Variants in GRIK3 observed in about 807,000 individuals in gnomAD.
GRIK3 encodes glutamate ionotropic receptor kainate type subunit 3, also known as glutamate receptor ionotropic, kainate 3.
A neutral mutation model predicts 102.5 loss-of-function variants in GRIK3; 29 were observed. The observed-to-expected ratio is 0.28, with a 90% CI of 0.21 to 0.39. GRIK3 has a LOEUF of 0.39. Ranked by LOEUF, GRIK3 falls within the 10% of genes least tolerant of loss-of-function variation. The probability of loss-of-function intolerance (pLI) is 1.00; values close to 1 mark genes in which losing one functional copy is unlikely to be tolerated. For missense variants in GRIK3, 908 were observed against 1,252.4 expected (o/e 0.73, Z 4.15); for synonymous variants, 511 against 504.9 (o/e 1.01, Z -0.16).
At chr1:36,938,629 C>T (rs1202284373) in intron 1 of GRIK3, among the ~76,000 whole-genome samples, 2 of 152,060 alleles carry the variant, frequency 1.3e-5, no homozygotes, top group Non-Finnish European at 2.9e-5. Context: ...CAAACCATCC[C>T]CCAGCAGCAG....
At chr1:37,022,618 C>A (rs1327270420) in intron 1 of GRIK3, among the ~76,000 whole-genome samples, 1 of 152,190 alleles carries the variant, frequency 6.6e-6, no homozygotes, top group Non-Finnish European at 1.5e-5. Flanking sequence ...AGAAGACCAC[C>A]ATAGACAGCA....
intron 1 of GRIK3, among the ~76,000 whole-genome samples, chr1:37,024,716 C>A (rs2124082830): frequency 1.5e-5 from 2 of 132,940 alleles, no homozygotes; most frequent in East Asian, 2.5e-4. Context: ...GCACTCCAGC[C>A]TGGGCAACAG....
rs554593181 is a variant in GRIK3, at chr1:37,034,338, G to T, written c.-230C>A. ...TGCCGCCCACGGGCTGCCCGCGAGC[G>T]AGGCTCCTGGGCTCCGCCCGGACTC... On this transcript the variant is annotated 5_prime_UTR_variant, in exon 1 of 16. Transcript: ENST00000373091. 2.0e-5 allele frequency among the ~76,000 whole-genome samples: 3 copies of T among 150,086 alleles called. No homozygotes were observed. Among genetic ancestry groups the T allele is most frequent in the East Asian group, 2.0e-4 (1 of 5,090 alleles).
At chr1:36,999,153 A>T (rs986224828) in intron 1 of GRIK3, among the ~76,000 whole-genome samples, 9 of 152,062 alleles carry the variant, frequency 5.9e-5, no homozygotes, top group Admixed American at 6.5e-5. Flanking sequence ...GCTCAAGTAC[A>T]TAAAGTAGAG....
intron 1 of GRIK3, among the ~76,000 whole-genome samples, chr1:36,971,858 T>C (rs1642145892): frequency 6.6e-6 from 1 of 152,142 alleles, no homozygotes; most frequent in Non-Finnish European, 1.5e-5. Flanking sequence ...CCACATTATA[T>C]AAACGGGCCC....
intron 1 of GRIK3, among the ~76,000 whole-genome samples, chr1:36,956,564 G>A (rs761988255): frequency 2.4e-4 from 36 of 152,026 alleles, no homozygotes; most frequent in Admixed American, 7.9e-4. Flanking sequence ...CACCACTCTC[G>A]ACCATCACAT....
rs1642503437 is a variant in GRIK3, at chr1:36,806,434, A to G, written c.2092-108T>C. On this transcript the variant is annotated intron_variant, in intron 13 of 15. Coordinates refer to ENST00000373091, the MANE Select transcript of GRIK3 (RefSeq NM_000831.4). This position sits in a 1 kb window ranked among gnomAD's most constrained non-coding sequence, Gnocchi z 4.0. Reference sequence around the variant, plus strand: ...GTTGGGGCCTTGAACTCGGTCTACAATCTTCAGAGAAAGGAAGTGCTACAC... The same window carrying G: ...GTTGGGGCCTTGAACTCGGTCTACAGTCTTCAGAGAAAGGAAGTGCTACAC... 1.1e-5 allele frequency: 7 copies of G among 651,850 alleles called. No homozygotes were observed. In the South Asian group the frequency reaches 1.1e-4, roughly 10 times the overall value. The allele number at this position is 651,850 out of a possible 1,614,324, so 40.4% of individuals were successfully genotyped here.
chr1:36,865,297 T>C (rs1013875264), intron 5 of GRIK3, among the ~76,000 whole-genome samples: 1 of 152,178 alleles, frequency 6.6e-6, no homozygotes, highest in African/African-American at 2.4e-5. Flanking sequence ...TAATGGCAGC[T>C]GGGGTAATTA....
At chr1:36,965,569 T>A (rs1301653023) in intron 1 of GRIK3, among the ~76,000 whole-genome samples, 1 of 151,250 alleles carries the variant, frequency 6.6e-6, no homozygotes, top group Non-Finnish European at 1.5e-5. Context: ...GGGAGAGAGG[T>A]CCCAGGGGAA....
At chr1:36,878,187 G>A (rs887058221) in intron 3 of GRIK3, among the ~76,000 whole-genome samples, 1 of 152,234 alleles carries the variant, frequency 6.6e-6, no homozygotes, top group Admixed American at 6.5e-5. Flanking sequence ...AGCAGACACA[G>A]ACTCACAGAC....
At chr1:36,851,509 C>A (rs1464543432) in intron 8 of GRIK3, among the ~76,000 whole-genome samples, 1 of 152,236 alleles carries the variant, frequency 6.6e-6, no homozygotes, top group Non-Finnish European at 1.5e-5. Flanking sequence ...TTTGAGCGTG[C>A]CTAGCAGAGC....
At position 36,880,592 on chromosome 1, in the gene GRIK3, C is replaced by A. The variant is rs774254976; in HGVS notation, c.550+42G>T. ...GAGCTTGATCCTGGGCCTCTGCCCC[C>A]CTCAACCGTTGCCCCCAGCCTAGCC... On this transcript the variant is annotated intron_variant, in intron 3 of 15. Transcript: ENST00000373091. This position sits in a 1 kb window ranked among gnomAD's most constrained non-coding sequence, Gnocchi z 5.4. 54 of 1,598,798 alleles carry A rather than the reference C, an allele frequency of 3.4e-5. No homozygotes were observed. In the South Asian group the frequency reaches 5.2e-4, roughly 15 times the overall value.
Position 36,958,107 on chromosome 1 carries a change from C to T in GRIK3, c.116-67011G>A, listed in dbSNP as rs1348011615. ...ATCTGCGCCCTGTGAGCCTGTGTGC[C>T]CCGTGAGTCTGTGTCCCATGAGTCT... On this transcript the variant is annotated intron_variant, in intron 1 of 15. Coordinates refer to ENST00000373091, the MANE Select transcript of GRIK3 (RefSeq NM_000831.4). 8.9e-5 allele frequency among the ~76,000 whole-genome samples: 9 copies of T among 101,572 alleles called. 1 individual carries two copies. The highest frequency in any genetic ancestry group is 1.7e-4 in the Non-Finnish European group (9 of 52,132). The allele number at this position is 101,572 out of a possible 152,430, so 66.6% of individuals were successfully genotyped here.
chr1:36,857,751 C>G (rs74064791), intron 7 of GRIK3, among the ~76,000 whole-genome samples: 9,081 of 152,254 alleles, frequency 0.06, 852 homozygotes, highest in African/African-American at 0.2. Context: ...AACTTGGGAC[C>G]TCAGGGGAAG....
chr1:36,829,181 G>T (rs1193074293), intron 10 of GRIK3, among the ~76,000 whole-genome samples: 1 of 152,172 alleles, frequency 6.6e-6, no homozygotes, highest in African/African-American at 2.4e-5. Context: ...CCTGAGAAAG[G>T]CATTATTTTG....
intron 9 of GRIK3, 45 bp from the exon 10 acceptor site, chr1:36,841,984 G>C: frequency 6.6e-7 from 1 of 1,514,236 alleles, no homozygotes; most frequent in Middle Eastern, 1.8e-4. Flanking sequence ...TGAGCAGCTA[G>C]GGCGGAGGCA....
At chr1:37,029,068 A>G (rs958027988) in intron 1 of GRIK3, among the ~76,000 whole-genome samples, 7 of 151,834 alleles carry the variant, frequency 4.6e-5, no homozygotes, top group Non-Finnish European at 1.0e-4. Flanking sequence ...GGCAGAAGAC[A>G]CTGCGGTGGC....
Position 36,798,839 on chromosome 1 carries a change from G to A in GRIK3, c.*3012C>T, listed in dbSNP as rs756850489. On this transcript the variant is annotated 3_prime_UTR_variant, in exon 16 of 16. Coordinates refer to ENST00000373091, the MANE Select transcript of GRIK3 (RefSeq NM_000831.4). Reference sequence around the variant, plus strand: ...CACACAGGAGTCTAAAGACCAGTCGGTACATTTTGGGGGGTTTCTCGAATT... The same window carrying A: ...CACACAGGAGTCTAAAGACCAGTCGATACATTTTGGGGGGTTTCTCGAATT... 3 of 152,236 alleles carry A rather than the reference G, an allele frequency of 2.0e-5. No homozygotes were observed. The highest frequency in any genetic ancestry group is 2.9e-5 in the Non-Finnish European group (2 of 68,034). The allele number at this position is 152,236 out of a possible 1,614,324, so 9.4% of individuals were successfully genotyped here.
chr1:36,805,936 CAAAAAA>C (rs749853809), intron 14 of GRIK3, among the ~76,000 whole-genome samples, 162 bp downstream of exon 14: 2 of 31,606 alleles, frequency 6.3e-5, no homozygotes, highest in Non-Finnish European at 1.2e-4. Context: ...AACTCCACCT[CAAAAAA>C]AAAAAAAAAA....
Sources: allele counts gnomAD v4.1 joint callset (sites outside exome capture counted in the v4.1 genomes callset), GRCh38; gene constraint gnomAD v4.1.1; non-coding constraint Gnocchi (gnomAD v3.1); transcripts MANE v1.5; gene names NCBI Gene and HGNC (gene_info 2026-07-23, HGNC 2026-07-21).